Variants in GSPT1 observed in about 807,000 individuals in gnomAD.
GSPT1 encodes G1 to S phase transition 1, also known as eukaryotic peptide chain release factor GTP-binding subunit ERF3A.
GSPT1 carries 20 observed loss-of-function variants against 72.5 expected under a neutral mutation model. The ratio of observed to expected loss-of-function variants is 0.28; its 90% CI spans 0.19 to 0.40. The LOEUF (loss-of-function observed/expected upper bound fraction) is 0.40. Ranked by LOEUF, GSPT1 falls within the 10% of genes least tolerant of loss-of-function variation. GSPT1 has a pLI of 1.00. For synonymous variants in GSPT1, 334 were observed against 293.5 expected (o/e 1.14, Z -1.41); for missense variants, 580 against 811.9 (o/e 0.71, Z 3.47).
At chr16:11,874,308 C>T (rs1264941485) in intron 14 of GSPT1, among the ~76,000 whole-genome samples, 2 of 151,764 alleles carry the variant, frequency 1.3e-5, no homozygotes, top group Non-Finnish European at 2.9e-5. Flanking sequence ...AAAAAAATCC[C>T]AAAACCTATC....
intron 1 of GSPT1, among the ~76,000 whole-genome samples, chr16:11,898,911 A>G (rs1338068116): frequency 6.6e-6 from 1 of 152,200 alleles, no homozygotes; most frequent in East Asian, 1.9e-4. Flanking sequence ...GTTTTTTCCT[A>G]TACTAGAACT....
rs549191087 is a variant in GSPT1, at chr16:11,884,535, G to A, written c.1347+646C>T. Among the ~76,000 whole-genome samples the A allele has an allele frequency of 4.6e-5, 7 of 152,280 alleles. No homozygotes were observed. The East Asian group carries it at 1.2e-3, about 25-fold the overall frequency. ...AGCACTTTGGGAAGCCAAGGCGGGCGGATCACCTGAGGTTAGGAGTTCGAG... is the reference window on the plus strand; with the variant it reads ...AGCACTTTGGGAAGCCAAGGCGGGCAGATCACCTGAGGTTAGGAGTTCGAG... On this transcript the variant is annotated intron_variant, in intron 10 of 14. Transcript: ENST00000434724.
intron 9 of GSPT1, among the ~76,000 whole-genome samples, chr16:11,886,165 GA>G (rs2054184622): frequency 6.6e-6 from 1 of 151,626 alleles, no homozygotes; most frequent in Admixed American, 6.6e-5. Context: ...ATCGAGAAGT[GA>G]AAAAAGGCAA....
At chr16:11,907,644 C>A (rs1239059037) in intron 1 of GSPT1, among the ~76,000 whole-genome samples, 1 of 152,136 alleles carries the variant, frequency 6.6e-6, no homozygotes, top group African/African-American at 2.4e-5. Flanking sequence ...TGTGGCAGAT[C>A]AAGCACTAAA....
chr16:11,902,862 C>T (rs2054432407), intron 1 of GSPT1, among the ~76,000 whole-genome samples: 1 of 151,978 alleles, frequency 6.6e-6, no homozygotes, highest in Non-Finnish European at 1.5e-5. Flanking sequence ...CCCGGGATTA[C>T]AGTCATGAGC....
intron 6 of GSPT1, among the ~76,000 whole-genome samples, chr16:11,889,283 G>A (rs2054224200): frequency 6.6e-6 from 1 of 151,278 alleles, no homozygotes; most frequent in Admixed American, 6.6e-5. Context: ...ACTCCAGCCT[G>A]GGCAACAGAG....
intron 1 of GSPT1, among the ~76,000 whole-genome samples, chr16:11,905,906 T>G (rs2054483089): frequency 6.6e-6 from 1 of 152,186 alleles, no homozygotes; most frequent in Admixed American, 6.5e-5. Flanking sequence ...GTTCCCTAGA[T>G]TGTAGACTTC....
chr16:11,897,964 C>A, intron 2 of GSPT1, 30 bp downstream of exon 2: 1 of 1,511,418 alleles, frequency 6.6e-7, no homozygotes, highest in South Asian at 1.2e-5. Context: ...AATGTTTTCT[C>A]AAGTAGACTT....
At chr16:11,914,863 T>A (rs921231387) in intron 1 of GSPT1, 1 of 518,262 alleles carries the variant, frequency 1.9e-6, no homozygotes. Flanking sequence ...CCACGGACAG[T>A]TTAAACCGTA....
upstream of GSPT1, among the ~76,000 whole-genome samples, chr16:11,916,469 C>G (rs1036741308): frequency 6.6e-6 from 1 of 152,248 alleles, no homozygotes; most frequent in Non-Finnish European, 1.5e-5. Flanking sequence ...CACCACCTTT[C>G]CTGCGTTCTC....
chr16:11,887,541 T>C, intron 7 of GSPT1, 29 bp downstream of exon 7: 1 of 1,587,772 alleles, frequency 6.3e-7, no homozygotes. Flanking sequence ...CTAACAAATA[T>C]ACAGATGGAC....
At chr16:11,901,912 A>G (rs1472112975) in intron 1 of GSPT1, among the ~76,000 whole-genome samples, 3 of 151,594 alleles carry the variant, frequency 2.0e-5, no homozygotes, top group African/African-American at 7.3e-5. Context: ...TCTGACTAAT[A>G]TGAGGAAACC....
intron 6 of GSPT1, among the ~76,000 whole-genome samples, 189 bp from the exon 7 acceptor site, chr16:11,887,939 G>A (rs568653462): frequency 1.3e-3 from 197 of 151,816 alleles, no homozygotes; most frequent in African/African-American, 4.5e-3. Context: ...CCAAGGCGGC[G>A]GATCACAAGG....
intron 1 of GSPT1, among the ~76,000 whole-genome samples, chr16:11,902,525 CTT>C (rs2054424786): frequency 6.6e-6 from 1 of 150,884 alleles, no homozygotes; most frequent in Non-Finnish European, 1.5e-5. Flanking sequence ...GAAGTGAAGA[CTT>C]TACCAGAGAA....
At chr16:11,875,977 T>C (rs779890578) in intron 13 of GSPT1, 48 bp from the exon 14 acceptor site, 1 of 1,551,340 alleles carries the variant, frequency 6.4e-7, no homozygotes, top group South Asian at 1.1e-5. Flanking sequence ...CCAAATAAAA[T>C]AATCTTTAAG....
At chr16:11,912,196 A>G (rs1316277567) in intron 1 of GSPT1, among the ~76,000 whole-genome samples, 1 of 151,850 alleles carries the variant, frequency 6.6e-6, no homozygotes, top group African/African-American at 2.4e-5. Context: ...ACACACACAC[A>G]AAATAGCTGG....
chr16:11,900,948 G>C (rs1404974005), intron 1 of GSPT1, among the ~76,000 whole-genome samples: 1 of 152,120 alleles, frequency 6.6e-6, no homozygotes, highest in East Asian at 1.9e-4. Context: ...GATGGCAAGA[G>C]TTTGAGACCA....
intron 1 of GSPT1, among the ~76,000 whole-genome samples, chr16:11,912,873 C>A (rs1261595598): frequency 2.0e-5 from 3 of 152,148 alleles, no homozygotes. Flanking sequence ...ATGGGTTCCA[C>A]TTAATTATTT....
chr16:11,875,034 C>CA (rs2054027027), intron 14 of GSPT1, among the ~76,000 whole-genome samples: 1 of 152,034 alleles, frequency 6.6e-6, no homozygotes, highest in African/African-American at 2.4e-5. Context: ...TACAAAAATA[C>CA]AAAAAATTAG....
Sources: gnomAD v4.1 joint callset for allele counts (sites outside exome capture counted in the v4.1 genomes callset) on GRCh38, gnomAD v4.1.1 for gene constraint, MANE v1.5 for transcripts, NCBI Gene and HGNC (gene_info 2026-07-23, HGNC 2026-07-21) for gene names.